Variants in L1TD1 observed in about 807,000 individuals in gnomAD.
The protein encoded by L1TD1 is LINE1 type transposase domain containing 1.
L1TD1 carries 26 observed loss-of-function variants against 25.7 expected under a neutral mutation model. The observed-to-expected ratio is 1.01, with a 90% CI of 0.74 to 1.40. The LOEUF is 1.40. L1TD1 is among the 40% of genes most tolerant of loss of function. The pLI is 0.00. For synonymous variants in L1TD1, 421 were observed against 335.6 expected (o/e 1.25, Z -2.78); for missense variants, 1,130 against 975.0 (o/e 1.16, Z -2.12).
chr1:62,210,749 C>A lies in L1TD1; in HGVS notation c.1975C>A (p.Leu659Ile), dbSNP rs866849348. 6.4e-7 allele frequency: 1 copy of A among 1,551,494 alleles called. No homozygotes were observed. Among genetic ancestry groups the A allele is most frequent in the Non-Finnish European group, 8.7e-7 (1 of 1,146,954 alleles). The change falls in exon 4 of 4, where the codon CTT (leucine) becomes ATT (isoleucine). Residue 659 changes from leucine to isoleucine, a missense_variant. Leu to Ile is a conservative substitution (Grantham distance 5). Coordinates refer to ENST00000498273, the MANE Select transcript of L1TD1 (RefSeq NM_019079.5). Reference sequence around the variant, plus strand: ...TGATCTGAGTAGCAGAATGGACATACTTGAAGAAAGAATAGACAGTCTAGA... The same window carrying A: ...TGATCTGAGTAGCAGAATGGACATAATTGAAGAAAGAATAGACAGTCTAGA... ...VDDLSSRMDI[L>I]EERIDSLEDQ...
At chr1:62,198,512 A>G (rs1481985065) in intron 2 of L1TD1, among the ~76,000 whole-genome samples, 2 of 150,112 alleles carry the variant, frequency 1.3e-5, no homozygotes, top group African/African-American at 4.9e-5. Context: ...AAACACACAC[A>G]CCGACCCCCC....
intron 2 of L1TD1, among the ~76,000 whole-genome samples, chr1:62,201,308 T>C (rs1257501369): frequency 6.6e-6 from 1 of 152,060 alleles, no homozygotes; most frequent in Non-Finnish European, 1.5e-5. Flanking sequence ...TATGTGCCTG[T>C]AGAAGTTTAC....
At chr1:62,200,451 G>A (rs944089846) in intron 2 of L1TD1, among the ~76,000 whole-genome samples, 1 of 152,074 alleles carries the variant, frequency 6.6e-6, no homozygotes, top group Non-Finnish European at 1.5e-5. Flanking sequence ...AATTACAGGC[G>A]TGAGCCACTG....
At chr1:62,197,397 T>TTATATA (rs10528649) in intron 2 of L1TD1, among the ~76,000 whole-genome samples, 1,703 of 80,156 alleles carry the variant, frequency 0.021, 33 homozygotes, top group East Asian at 0.03. Context: ...AAAAAATAAA[T>TTATATA]TATATATATA....
chr1:62,200,788 G>A (rs1219663789), intron 2 of L1TD1, among the ~76,000 whole-genome samples: 1 of 151,920 alleles, frequency 6.6e-6, no homozygotes, highest in African/African-American at 2.4e-5. Flanking sequence ...TACTTCTGAT[G>A]GGTAAAAGTG....
chr1:62,199,437 G>C (rs535811390), intron 2 of L1TD1, among the ~76,000 whole-genome samples: 1 of 151,462 alleles, frequency 6.6e-6, no homozygotes, highest in East Asian at 1.9e-4. Flanking sequence ...GGCAGAGTTT[G>C]CAGTGAGCCA....
intron 2 of L1TD1, among the ~76,000 whole-genome samples, chr1:62,205,774 A>G (rs1334294144): frequency 6.6e-6 from 1 of 151,956 alleles, no homozygotes; most frequent in Non-Finnish European, 1.5e-5. Context: ...CTGTCACCCA[A>G]GGTGTGGAGT....
At chr1:62,195,187 C>T (rs1670509039) in intron 1 of L1TD1, among the ~76,000 whole-genome samples, 1 of 147,590 alleles carries the variant, frequency 6.8e-6, no homozygotes, top group African/African-American at 2.5e-5. Context: ...GCGCGAAGGG[C>T]GCGGGGTGCC....
chr1:62,200,270 G>A (rs181979502), intron 2 of L1TD1, among the ~76,000 whole-genome samples: 154 of 152,130 alleles, frequency 1.0e-3, no homozygotes, highest in Non-Finnish European at 1.5e-3. Flanking sequence ...TCCGCCTCCC[G>A]CATTCAAGCA....
In L1TD1 at chr1:62,211,461, G is replaced by A. The variant is rs1271580132; in HGVS notation, c.*89G>A. ...TAAAACGAAAATACACTTCTACCCA[G>A]AAGGATGGACAGCTAATAGCGTACT... On this transcript the variant is annotated 3_prime_UTR_variant, in exon 4 of 4. Coordinates refer to ENST00000498273, the MANE Select transcript of L1TD1 (RefSeq NM_019079.5). 9.3e-6 allele frequency: 14 copies of A among 1,505,564 alleles called. No individual in the cohort carries two copies. The highest frequency in any genetic ancestry group is 1.2e-5 in the Non-Finnish European group (14 of 1,134,960). 93.3% of individuals were successfully genotyped at this position (1,505,564 alleles called of 1,614,324 possible).
chr1:62,197,974 A>G (rs1670574891), intron 2 of L1TD1, among the ~76,000 whole-genome samples: 1 of 152,210 alleles, frequency 6.6e-6, no homozygotes, highest in East Asian at 1.9e-4. Context: ...TATGTTCAAA[A>G]TATGGCATGT....
Position 62,202,902 on chromosome 1 carries a change from C to T in L1TD1, c.-110-3617C>T, listed in dbSNP as rs1308414538. Among the ~76,000 whole-genome samples the T allele has an allele frequency of 3.9e-5, 6 of 151,972 alleles. No individual in the cohort carries two copies. The South Asian group carries it at 6.2e-4, about 16-fold the overall frequency. On this transcript the variant is annotated intron_variant, in intron 2 of 3. Transcript: ENST00000498273. ...TTCACCATGTTGGCCAGGGTAGTCA[C>T]GAACTCCTGACCTCAGGTGATCTGC... is the stretch of plus-strand genomic sequence containing the variant.
In L1TD1 at chr1:62,207,024, T is replaced by C. The variant is rs748681517; in HGVS notation, c.396T>C (p.Asn132=). The C allele has an allele frequency of 1.1e-5, 18 of 1,613,296 alleles. No homozygotes were observed. The highest frequency in any genetic ancestry group is 6.7e-5 in the Admixed American group (4 of 59,846). Residue 132 remains asparagine, a synonymous_variant, in exon 3 of 4, where the codon AAT becomes AAC. Transcript: ENST00000498273. ...CTAAAATAGGTGATGATAATGAAAATTTAACCTTTAAATTAGAAGTAAATG... is the reference window on the plus strand; with the variant it reads ...CTAAAATAGGTGATGATAATGAAAACTTAACCTTTAAATTAGAAGTAAATG... ...ENSKIGDDNE[N]LTFKLEVNEL...
At position 62,210,780 on chromosome 1, in the gene L1TD1, A is replaced by C; in HGVS notation, c.2006A>C (p.Gln669Pro). ...GAAAGAATAGACAGTCTAGAAGATCAAATTGAAGAATTCTCTAAGGATACA... is the reference window on the plus strand; with the variant it reads ...GAAAGAATAGACAGTCTAGAAGATCCAATTGAAGAATTCTCTAAGGATACA... ...LEERIDSLED[Q>P]IEEFSKDTMQ... The change falls in exon 4 of 4, where the codon CAA (glutamine) becomes CCA (proline). Residue 669 changes from glutamine to proline, a missense_variant. Transcript: ENST00000498273. 1 of 1,550,340 alleles carries C rather than the reference A, an allele frequency of 6.5e-7. No homozygotes were observed.
In L1TD1 at chr1:62,210,799, G is replaced by C; in HGVS notation, c.2025G>C (p.Lys675Asn). 1.3e-6 allele frequency: 2 copies of C among 1,550,190 alleles called. No homozygotes were observed. The highest frequency in any genetic ancestry group is 1.7e-6 in the Non-Finnish European group (2 of 1,146,644). ...SLEDQIEEFSKDTMQMTKQII... is the reference protein window; with the variant it reads ...SLEDQIEEFSNDTMQMTKQII... Reference sequence around the variant, plus strand: ...AAGATCAAATTGAAGAATTCTCTAAGGATACAATGCAAATGACCAAACAGA... The same window carrying C: ...AAGATCAAATTGAAGAATTCTCTAACGATACAATGCAAATGACCAAACAGA... Residue 675 changes from lysine to asparagine, a missense_variant, in exon 4 of 4, where the codon AAG (lysine) becomes AAC (asparagine). Coordinates refer to ENST00000498273, the MANE Select transcript of L1TD1 (RefSeq NM_019079.5).
chr1:62,202,769 C>T (rs748680737), intron 2 of L1TD1, among the ~76,000 whole-genome samples: 7 of 150,658 alleles, frequency 4.6e-5, no homozygotes, highest in Non-Finnish European at 1.0e-4. Flanking sequence ...CTGCAACCTC[C>T]GCCTCCTGGC....
chr1:62,206,567 T>C lies in L1TD1; in HGVS notation c.-62T>C, dbSNP rs904714827. The C allele has an allele frequency of 7.2e-7, 1 of 1,387,466 alleles. No homozygotes were observed. Among genetic ancestry groups the C allele is most frequent in the East Asian group, 2.6e-5 (1 of 38,686 alleles). 85.9% of individuals were successfully genotyped at this position (1,387,466 alleles called of 1,614,324 possible). On this transcript the variant is annotated 5_prime_UTR_variant, in exon 3 of 4. Coordinates refer to ENST00000498273, the MANE Select transcript of L1TD1 (RefSeq NM_019079.5). ...TAACTTCTGAAGTCTAGCAGGCCTGTAAGAACAAAAATCATTCTGTAGGAA... is the reference window on the plus strand; with the variant it reads ...TAACTTCTGAAGTCTAGCAGGCCTGCAAGAACAAAAATCATTCTGTAGGAA...
intron 3 of L1TD1, among the ~76,000 whole-genome samples, chr1:62,209,340 G>A (rs74079019): frequency 0.12 from 17,087 of 145,960 alleles, 1,129 homozygotes; most frequent in East Asian, 0.22. Context: ...AAAGGTAAAT[G>A]TGAGCCTGGG....
In L1TD1 at chr1:62,207,279, T is replaced by A. The variant is rs781346492; in HGVS notation, c.651T>A (p.Phe217Leu). The A allele has an allele frequency of 3.2e-6, 5 of 1,550,740 alleles. No homozygotes were observed. In the South Asian group the frequency reaches 6.0e-5, roughly 18 times the overall value. ...AAGAAATGAGAGAGGAAAGAAAATT[T>A]CAGAAATTGAAGAATAAAGAGGAGG... ...FVKEMREERK[F>L]QKLKNKEEVL... The change falls in exon 3 of 4, where the codon TTT (phenylalanine) becomes TTA (leucine). Residue 217 changes from phenylalanine to leucine, a missense_variant. Phe to Leu is a conservative substitution (Grantham distance 22). Coordinates refer to ENST00000498273, the MANE Select transcript of L1TD1 (RefSeq NM_019079.5).
Sources: gnomAD v4.1 joint callset for allele counts (sites outside exome capture counted in the v4.1 genomes callset) on GRCh38, gnomAD v4.1.1 for gene constraint, MANE v1.5 for transcripts, NCBI Gene and HGNC (gene_info 2026-07-23, HGNC 2026-07-21) for gene names.